Variants in CXADR observed in about 807,000 individuals in gnomAD.
CXADR encodes the protein coxsackievirus and adenovirus receptor.
Under a neutral mutation model 40.3 loss-of-function variants are expected in CXADR, and 20 were observed. That is an observed-to-expected ratio of 0.50 (90% CI 0.35 to 0.72). The LOEUF (loss-of-function observed/expected upper bound fraction) is 0.72. Among genes scored for constraint, CXADR ranks in the 30% least tolerant of loss-of-function variants. The pLI is 0.01. For missense variants in CXADR, 332 were observed against 449.1 expected, an observed-to-expected ratio of 0.74 and a Z score of 2.36; for synonymous variants, 150 against 161.3, an observed-to-expected ratio of 0.93 and a Z score of 0.53.
rs140574717 is a variant in CXADR at position 17,524,765 on chromosome 21, C to T, written c.43+11593C>T. On this transcript the variant is annotated intron_variant, in intron 1 of 6. Coordinates refer to ENST00000284878, the MANE Select transcript of CXADR (RefSeq NM_001338.5). ...AGCCACGTGTGATACAAAAATTAGC[C>T]GGGTGTGGTGGCACGTTCCTGTAGT... Among the ~76,000 whole-genome samples the T allele has an allele frequency of 2.1e-3, 314 of 151,536 alleles. 2 individuals carry two copies. Among genetic ancestry groups the T allele is most frequent in the South Asian group, 0.02 (93 of 4,762 alleles).
At chr21:17,603,929 A>G in the CXADR span, among the ~76,000 whole-genome samples, 1 of 152,170 alleles carries the variant, frequency 6.6e-6, no homozygotes, top group African/African-American at 2.4e-5. Context: ...TTTCTTCTCA[A>G]TTTCAAACTG....
At chr21:17,627,956 T>C in the CXADR span, among the ~76,000 whole-genome samples, 1 of 152,236 alleles carries the variant, frequency 6.6e-6, no homozygotes, top group Non-Finnish European at 1.5e-5. Context: ...GATTAAGTTT[T>C]TAGTTGATTT....
chr21:17,513,066 G>A lies in CXADR; in HGVS notation c.-64G>A. Reference sequence around the variant, plus strand: ...CCAGTCGGGAGCGCGCGAGGCGCGGGGAGCCTGGGACCAGGAGCGAGAGCC... The same window carrying A: ...CCAGTCGGGAGCGCGCGAGGCGCGGAGAGCCTGGGACCAGGAGCGAGAGCC... On this transcript the variant is annotated 5_prime_UTR_variant, in exon 1 of 7. Transcript: ENST00000284878. The A allele has an allele frequency of 1.5e-6, 2 of 1,308,870 alleles. No individual in the cohort carries two copies. The highest frequency in any genetic ancestry group is 2.0e-6 in the Non-Finnish European group (2 of 1,021,722). 81.1% of individuals were successfully genotyped at this position (1,308,870 alleles called of 1,614,324 possible). A position where few individuals can be genotyped will look rare whatever the true frequency, so the allele number is the denominator to read the frequency against.
At chr21:17,633,267 G>A in the CXADR span, 1 of 152,172 alleles carries the variant, frequency 6.6e-6, no homozygotes, top group East Asian at 1.9e-4. Context: ...CACCAAAGAA[G>A]AAATTAAAGA....
Position 17,551,978 on chromosome 21 carries a change from C to T in CXADR, c.415+25C>T, listed in dbSNP as rs183987955. 1.5e-4 allele frequency: 230 copies of T among 1,545,658 alleles called. 1 individual carries two copies. In the East Asian group the frequency reaches 2.5e-3, roughly 17 times the overall value. ...GGTAAGTTATTTTTATTTGTGTTAA[C>T]GGGTTACTGAGTAAGAGAATGATTA... On this transcript the variant is annotated intron_variant, in intron 3 of 6. Transcript: ENST00000284878.
downstream of CXADR, among the ~76,000 whole-genome samples, chr21:17,594,947 AC>A (rs2061485641): frequency 6.6e-6 from 1 of 151,994 alleles, no homozygotes; most frequent in Non-Finnish European, 1.5e-5. Flanking sequence ...TCCCTGTGAC[AC>A]ATGTTTACCT....
At chr21:17,530,487 C>A (rs1787524052) in intron 1 of CXADR, 1 of 446,132 alleles carries the variant, frequency 2.2e-6, no homozygotes, top group Non-Finnish European at 4.5e-6. Flanking sequence ...TACTGATGGA[C>A]CCTTTTTCCC....
chr21:17,579,429 T>C (rs907426300), intron 7 of CXADR, among the ~76,000 whole-genome samples: 45 of 151,736 alleles, frequency 3.0e-4, no homozygotes, highest in African/African-American at 2.2e-4. Context: ...GGACTACAGG[T>C]GCATGCCACC....
At chr21:17,526,564 C>G (rs958409538) in intron 1 of CXADR, among the ~76,000 whole-genome samples, 2 of 152,016 alleles carry the variant, frequency 1.3e-5, no homozygotes, top group African/African-American at 2.4e-5. Flanking sequence ...TAGAATGGCC[C>G]CAGGTAATGG....
intron 7 of CXADR, among the ~76,000 whole-genome samples, chr21:17,579,232 C>T (rs2061342528): frequency 6.6e-6 from 1 of 151,950 alleles, no homozygotes; most frequent in South Asian, 2.1e-4. Flanking sequence ...ACATTTGTGA[C>T]TGTGTGGATA....
chr21:17,604,746 G>A, the CXADR span: 3 of 1,306,276 alleles, frequency 2.3e-6, no homozygotes, highest in Non-Finnish European at 3.1e-6. Context: ...ATCTGAGAGA[G>A]TTAAACCACC....
intron 1 of CXADR, among the ~76,000 whole-genome samples, chr21:17,515,721 G>A (rs2060452910): frequency 6.6e-6 from 1 of 152,122 alleles, no homozygotes; most frequent in African/African-American, 2.4e-5. Context: ...CAGGAGAATG[G>A]CGTGAACCCG....
intron 4 of CXADR, among the ~76,000 whole-genome samples, chr21:17,559,669 G>GTTTTTTTTTTTTT (rs1447996912): frequency 1.4e-4 from 4 of 27,888 alleles, no homozygotes; most frequent in Admixed American, 5.1e-4. Context: ...TTTTTTTTGG[G>GTTTTTTTTTTTTT]TTTTTTTTTT....
At chr21:17,621,013 A>C in the CXADR span, among the ~76,000 whole-genome samples, 1 of 152,206 alleles carries the variant, frequency 6.6e-6, no homozygotes, top group African/African-American at 2.4e-5. Context: ...TTCTCTAAAA[A>C]ACCTCAGTTT....
At chr21:17,613,063 G>A in the CXADR span, 2 of 151,958 alleles carry the variant, frequency 1.3e-5, no homozygotes, top group Non-Finnish European at 2.9e-5. Context: ...CCCGGGCCTA[G>A]CCGCACGGGA....
At chr21:17,606,241 G>A in the CXADR span, among the ~76,000 whole-genome samples, 1 of 152,122 alleles carries the variant, frequency 6.6e-6, no homozygotes. Flanking sequence ...GAGGCAGAGA[G>A]AGTTTGAGTA....
intron 7 of CXADR, among the ~76,000 whole-genome samples, chr21:17,589,371 C>T (rs1051494187): frequency 1.3e-5 from 2 of 152,126 alleles, no homozygotes; most frequent in South Asian, 4.1e-4. Context: ...AAAATAAATC[C>T]ATTGAACTTG....
the CXADR span, among the ~76,000 whole-genome samples, chr21:17,614,733 ACT>A: frequency 6.6e-6 from 1 of 152,128 alleles, no homozygotes; most frequent in Middle Eastern, 3.4e-3. Context: ...ACAGAGCAAG[ACT>A]CTGTCTAAAA....
chr21:17,518,655 C>T (rs2060491198), intron 1 of CXADR: 1 of 1,608,826 alleles, frequency 6.2e-7, no homozygotes, highest in South Asian at 1.1e-5. Flanking sequence ...CAGCTAACTT[C>T]CTAAGGCTTG....
Sources: allele counts gnomAD v4.1 joint callset (sites outside exome capture counted in the v4.1 genomes callset), GRCh38; gene constraint gnomAD v4.1.1; transcripts MANE v1.5; gene names NCBI Gene and HGNC (gene_info 2026-07-23, HGNC 2026-07-21).